The following SPECC1 variants were observed in gnomAD, a reference collection of about 807,000 sequenced individuals.
The protein encoded by SPECC1 is sperm antigen with calponin homology and coiled-coil domains 1.
A neutral mutation model predicts 104.1 loss-of-function variants in SPECC1; 62 were observed. That is an observed-to-expected ratio of 0.60 (90% CI 0.49 to 0.74). The LOEUF (loss-of-function observed/expected upper bound fraction) is 0.74, where lower values mean the gene tolerates loss of function less well. Among genes scored for constraint, SPECC1 ranks in the 30% least tolerant of loss-of-function variants. The pLI, the probability that SPECC1 is intolerant of heterozygous loss-of-function variation, is 0.00. For missense variants in SPECC1, 1,306 were observed against 1,310.5 expected (o/e 1.00, Z 0.05); for synonymous variants, 513 against 501.6 (o/e 1.02, Z -0.30).
At chr17:20,179,331 A>G (rs1349159887) in intron 3 of SPECC1, among the ~76,000 whole-genome samples, 1 of 152,256 alleles carries the variant, frequency 6.6e-6, no homozygotes, top group Non-Finnish European at 1.5e-5. Context: ...TGGGATCTTG[A>G]TCTTGCTGCA....
At chr17:20,169,225 GGAA>G (rs2033898787) in intron 3 of SPECC1, among the ~76,000 whole-genome samples, 1 of 152,144 alleles carries the variant, frequency 6.6e-6, no homozygotes, top group Admixed American at 6.5e-5. Flanking sequence ...TAAAACCTGA[GGAA>G]GAAATAAGAA....
intron 7 of SPECC1, among the ~76,000 whole-genome samples, chr17:20,240,987 A>G (rs146518718): frequency 6.6e-6 from 1 of 152,334 alleles, no homozygotes; most frequent in Non-Finnish European, 1.5e-5. Context: ...TCTCTTGCTG[A>G]AGCAGATCCA....
At chr17:20,102,165 A>C (rs1199688358) in intron 2 of SPECC1, among the ~76,000 whole-genome samples, 1 of 152,254 alleles carries the variant, frequency 6.6e-6, no homozygotes, top group Non-Finnish European at 1.5e-5. Context: ...TGAATAGAGA[A>C]GGAGCAAGAA....
At chr17:20,273,307 A>G (rs1234366493) in intron 12 of SPECC1, among the ~76,000 whole-genome samples, 2 of 152,112 alleles carry the variant, frequency 1.3e-5, no homozygotes, top group Non-Finnish European at 1.5e-5. Context: ...AACATGGTGA[A>G]ACCTCATCTC....
chr17:20,256,908 T>C (rs1200595332), intron 10 of SPECC1, among the ~76,000 whole-genome samples: 2 of 152,216 alleles, frequency 1.3e-5, no homozygotes, highest in Admixed American at 1.3e-4. Flanking sequence ...TTACCTGTTT[T>C]TTGACTCAGA....
intron 4 of SPECC1, among the ~76,000 whole-genome samples, chr17:20,220,137 C>G (rs1598011762): frequency 6.6e-6 from 1 of 151,962 alleles, no homozygotes; most frequent in African/African-American, 2.4e-5. Context: ...TCTTTTTGCT[C>G]AGGATGGCTT....
chr17:20,283,639 T>C (rs1407131539), intron 12 of SPECC1, among the ~76,000 whole-genome samples: 1 of 152,104 alleles, frequency 6.6e-6, no homozygotes, highest in African/African-American at 2.4e-5. Context: ...CTGGCTGGAG[T>C]GTAGTGGCAC....
intron 3 of SPECC1, among the ~76,000 whole-genome samples, chr17:20,175,165 A>G (rs1038654971): frequency 6.6e-6 from 1 of 152,116 alleles, no homozygotes; most frequent in Non-Finnish European, 1.5e-5. Context: ...TTCAGCCTGC[A>G]GCCCCCAGAG....
chr17:20,125,862 G>A lies in SPECC1; in HGVS notation c.283+15300G>A, dbSNP rs547587686. Among the ~76,000 whole-genome samples the A allele has an allele frequency of 7.2e-5, 11 of 152,324 alleles. No individual in the cohort carries two copies. In the East Asian group the frequency reaches 1.9e-3, roughly 27 times the overall value. ...TGAACTCTGCACTAGTTAAGGTGCT[G>A]AATTCTAAGCTTGAGGACACACATG... is the stretch of plus-strand genomic sequence containing the variant. On this transcript the variant is annotated intron_variant, in intron 3 of 14. Coordinates refer to ENST00000395527, the MANE Select transcript of SPECC1 (RefSeq NM_001243439.2).
chr17:20,113,508 A>C (rs2048598287), intron 3 of SPECC1, among the ~76,000 whole-genome samples: 1 of 152,256 alleles, frequency 6.6e-6, no homozygotes, highest in Admixed American at 6.5e-5. Flanking sequence ...TTGTCACAGC[A>C]TATGAATATG....
intron 12 of SPECC1, among the ~76,000 whole-genome samples, chr17:20,271,551 T>G: frequency 2.6e-5 from 4 of 152,208 alleles, no homozygotes; most frequent in Admixed American, 2.6e-4. Flanking sequence ...ATGTAAATGA[T>G]ACTCATTCAA....
chr17:20,112,283 T>C, intron 3 of SPECC1: 2 of 762,128 alleles, frequency 2.6e-6, no homozygotes, highest in Admixed American at 3.4e-5. Flanking sequence ...ACTTGTGTCA[T>C]GGAGAGCTTA....
At position 20,204,944 on chromosome 17, in the gene SPECC1, G is replaced by A; in HGVS notation, c.895G>A (p.Glu299Lys). 6.2e-7 allele frequency: 1 copy of A among 1,614,026 alleles called. No individual in the cohort carries two copies. Among genetic ancestry groups the A allele is most frequent in the Non-Finnish European group, 8.5e-7 (1 of 1,180,000 alleles). ...TGNQMSSDID[E>K]YKKNIHGNAL... ...AAATCAGATGTCCAGTGACATTGAT[G>A]AGTATAAAAAAAACATACATGGAAA... The change falls in exon 4 of 15, where the codon GAG becomes AAG. Residue 299 changes from glutamate to lysine, a missense_variant. By Grantham distance (56) the Glu-to-Lys change is moderately conservative. Around this residue, in one of 2 missense-constraint regions of SPECC1, gnomAD observed 1,177 missense variants for 1,139.9 expected, o/e 1.03. Transcript: ENST00000395527.
rs372437043 is a variant in SPECC1 at position 20,204,244 on chromosome 17, C to T, written c.284-89C>T. The T allele has an allele frequency of 6.9e-6, 10 of 1,448,768 alleles. No homozygotes were observed. The African/African-American group carries it at 8.5e-5, about 12-fold the overall frequency. 89.7% of individuals were successfully genotyped at this position (1,448,768 alleles called of 1,614,324 possible). ...TGGATGAAGAGCGACAGCCACTGTC[C>T]ACTGTGCCATGTGATTTACAGTCAT... On this transcript the variant is annotated intron_variant, in intron 3 of 14. Coordinates refer to ENST00000395527, the MANE Select transcript of SPECC1 (RefSeq NM_001243439.2).
At chr17:20,266,446 T>C (rs781405191) in intron 12 of SPECC1, among the ~76,000 whole-genome samples, 2 of 152,142 alleles carry the variant, frequency 1.3e-5, no homozygotes, top group African/African-American at 2.4e-5. Flanking sequence ...TAGCCGGGCG[T>C]GGTGGCACGC....
chr17:20,307,078 C>A (rs1451968171), intron 14 of SPECC1, among the ~76,000 whole-genome samples: 1 of 151,898 alleles, frequency 6.6e-6, no homozygotes, highest in Non-Finnish European at 1.5e-5. Flanking sequence ...TATGTGTTGC[C>A]AAACTCATTA....
intron 12 of SPECC1, among the ~76,000 whole-genome samples, chr17:20,268,469 C>G (rs1430038436): frequency 6.6e-6 from 1 of 152,206 alleles, no homozygotes; most frequent in Non-Finnish European, 1.5e-5. Flanking sequence ...ACTTGGGGCT[C>G]TGTTTCTTAT....
At chr17:20,238,253 A>G (rs2039026260) in intron 7 of SPECC1, 2 of 1,040,974 alleles carry the variant, frequency 1.9e-6, no homozygotes, top group East Asian at 5.7e-5. Flanking sequence ...TTGAATGACA[A>G]CTACACCAAA....
intron 3 of SPECC1, chr17:20,111,840 T>C: frequency 1.2e-6 from 1 of 837,642 alleles, no homozygotes; most frequent in Non-Finnish European, 2.1e-6. Flanking sequence ...TGGGTGGCCC[T>C]GTTCCTGAAC....
Sources: gnomAD v4.1 joint callset for allele counts (sites outside exome capture counted in the v4.1 genomes callset) on GRCh38, gnomAD v4.1.1 for gene constraint, gnomAD v4.1.1 regional missense constraint, MANE v1.5 for transcripts, NCBI Gene and HGNC (gene_info 2026-07-23, HGNC 2026-07-21) for gene names.